The following N4BP2L1 variants were observed in gnomAD, a reference collection of about 807,000 sequenced individuals.
The protein encoded by N4BP2L1 is NEDD4-binding protein 2-like 1.
A neutral mutation model predicts 21.2 loss-of-function variants in N4BP2L1; 12 were observed. The observed-to-expected ratio is 0.57, with a 90% CI of 0.36 to 0.92. The LOEUF (loss-of-function observed/expected upper bound fraction) is 0.92, where lower values mean the gene tolerates loss of function less well. N4BP2L1 is among the 40% of genes least tolerant of loss of function. The pLI is 0.01. For synonymous variants in N4BP2L1, 104 were observed against 112.8 expected, an observed-to-expected ratio of 0.92 and a Z score of 0.49; for missense variants, 259 against 310.6, an observed-to-expected ratio of 0.83 and a Z score of 1.25.
intron 1 of N4BP2L1, among the ~76,000 whole-genome samples, chr13:32,422,663 T>C (rs772265282): frequency 3.3e-5 from 5 of 152,146 alleles, no homozygotes; most frequent in Non-Finnish European, 5.9e-5. Context: ...TGATACAGCC[T>C]CTCCAATGAG....
chr13:32,420,071 T>C (rs1344329007), intron 1 of N4BP2L1, among the ~76,000 whole-genome samples: 2 of 152,164 alleles, frequency 1.3e-5, no homozygotes, highest in South Asian at 4.2e-4. Flanking sequence ...GCCTCAAGTG[T>C]CCCCAAGCCA....
chr13:32,419,891 T>C (rs560531058), intron 1 of N4BP2L1, among the ~76,000 whole-genome samples: 2 of 152,330 alleles, frequency 1.3e-5, no homozygotes, highest in African/African-American at 2.4e-5. Context: ...AACTGGGAGA[T>C]AGAAAACAGA....
chr13:32,421,886 A>T (rs206329), intron 1 of N4BP2L1, among the ~76,000 whole-genome samples: 40,168 of 151,870 alleles, frequency 0.26, 5,756 homozygotes, highest in South Asian at 0.4. Context: ...TCATCCAGAG[A>T]CTGAGTGGCC....
At chr13:32,408,738 G>A (rs998834899) in intron 1 of N4BP2L1, among the ~76,000 whole-genome samples, 2 of 152,144 alleles carry the variant, frequency 1.3e-5, no homozygotes, top group Non-Finnish European at 2.9e-5. Context: ...TTTAAAAATC[G>A]GAGGAAAAAA....
In N4BP2L1 at chr13:32,401,975, T is replaced by C; in HGVS notation, c.*967A>G. Reference sequence around the variant, plus strand: ...ACATTCCAGAGTTGTGAGGACTTGATTGTCTTAATGCCACATAAAACATCA... The same window carrying C: ...ACATTCCAGAGTTGTGAGGACTTGACTGTCTTAATGCCACATAAAACATCA... On this transcript the variant is annotated 3_prime_UTR_variant, in exon 5 of 5. Transcript: ENST00000380130. 1 of 985,104 alleles carries C rather than the reference T, an allele frequency of 1.0e-6. No individual in the cohort carries two copies. The highest frequency in any genetic ancestry group is 1.2e-6 in the Non-Finnish European group (1 of 829,538). 61.0% of individuals were successfully genotyped at this position (985,104 alleles called of 1,614,324 possible).
At chr13:32,407,815 T>C (rs369700045) in intron 1 of N4BP2L1, 43 bp from the exon 2 acceptor site, 5 of 1,523,948 alleles carry the variant, frequency 3.3e-6, no homozygotes, top group Non-Finnish European at 4.4e-6. Flanking sequence ...TTTAAATATA[T>C]GTATAGTCTC....
chr13:32,416,801 CTCT>C (rs1305471799), intron 1 of N4BP2L1: 1 of 149,422 alleles, frequency 6.7e-6, no homozygotes, highest in African/African-American at 2.6e-5. Flanking sequence ...ATTATGCGAA[CTCT>C]TTTTTTTTTG....
chr13:32,402,961 C>T lies in N4BP2L1; in HGVS notation c.713G>A (p.Gly238Asp), dbSNP rs138167620. Residue 238 changes from glycine (G) to aspartate (D), a missense_variant, in exon 5 of 5, where the codon GGT becomes GAT. Physicochemically the swap from Gly to Asp is moderately conservative, Grantham distance 94. Around this residue, in one of 3 missense-constraint regions of N4BP2L1, gnomAD observed 108 missense variants for 107.8 expected, o/e 1.00. Coordinates refer to ENST00000380130, the MANE Select transcript of N4BP2L1 (RefSeq NM_052818.3). ...TNESSYHRRG[G>D]CHHGY is the part of the protein sequence containing the mutation. ...AGGCCTCTAATATCCATGGTGACAACCGCCCCTTCTGTGATAGGAGCTCTC... is the reference window on the plus strand; with the variant it reads ...AGGCCTCTAATATCCATGGTGACAATCGCCCCTTCTGTGATAGGAGCTCTC... 3.1e-6 allele frequency: 5 copies of T among 1,608,500 alleles called. No individual in the cohort carries two copies. The highest frequency in any genetic ancestry group is 4.3e-6 in the Non-Finnish European group (5 of 1,176,134).
intron 1 of N4BP2L1, among the ~76,000 whole-genome samples, chr13:32,410,437 TGGAA>T (rs2137807133): frequency 6.6e-6 from 1 of 152,282 alleles, no homozygotes; most frequent in African/African-American, 2.4e-5. Flanking sequence ...GACTTCTTGA[TGGAA>T]GGAAGAGCAA....
chr13:32,428,218 C>T, upstream of N4BP2L1: 1 of 887,594 alleles, frequency 1.1e-6, no homozygotes, highest in East Asian at 3.1e-5. Flanking sequence ...CCCCTCCTTT[C>T]CACCCGCCGG....
rs2073250599 is a variant in N4BP2L1, at chr13:32,403,124, T to C, written c.550A>G (p.Ser184Gly). The C allele has an allele frequency of 6.2e-7, 1 of 1,614,014 alleles. No homozygotes were observed. The highest frequency in any genetic ancestry group is 1.3e-5 in the African/African-American group (1 of 74,906). ...CTTGGCTTTTCTGCATGAAGCACAC[T>C]GTGAAAAGTAACATCGTGTTCATAC... ...ERYEHDVTFH[S>G]VLHAEKPSRM... The change falls in exon 5 of 5, where the codon AGT (serine) becomes GGT (glycine). Residue 184 changes from serine to glycine, a missense_variant. Around this residue, in one of 3 missense-constraint regions of N4BP2L1, gnomAD observed 108 missense variants for 107.8 expected, o/e 1.00. Transcript: ENST00000380130.
chr13:32,429,101 A>C (rs556783418), upstream of N4BP2L1, among the ~76,000 whole-genome samples: 1 of 152,400 alleles, frequency 6.6e-6, no homozygotes, highest in East Asian at 1.9e-4. Flanking sequence ...TAAAGTAATA[A>C]ATTCTATTTC....
chr13:32,407,907 G>T, intron 1 of N4BP2L1, 135 bp from the exon 2 acceptor site: 1 of 989,856 alleles, frequency 1.0e-6, no homozygotes, highest in Non-Finnish European at 1.5e-6. Context: ...TTAAAATGCA[G>T]TTTCAAAAGA....
At chr13:32,425,383 G>C (rs1201015039) in intron 1 of N4BP2L1, 1 of 152,232 alleles carries the variant, frequency 6.6e-6, no homozygotes, top group Non-Finnish European at 1.5e-5. Flanking sequence ...AGGCTGCTCT[G>C]CTCCCAGAAC....
chr13:32,418,195 T>TG, intron 1 of N4BP2L1, among the ~76,000 whole-genome samples: 1 of 152,302 alleles, frequency 6.6e-6, no homozygotes, highest in Non-Finnish European at 1.5e-5. Context: ...AGATGGGTCC[T>TG]GGGCCCCCCT....
chr13:32,411,647 TA>T (rs1243525897), intron 1 of N4BP2L1: 1 of 985,122 alleles, frequency 1.0e-6, no homozygotes, highest in African/African-American at 1.7e-5. Context: ...AATAGAAAGA[TA>T]ATTAATTCCA....
chr13:32,424,089 G>T (rs900907751), intron 1 of N4BP2L1, among the ~76,000 whole-genome samples: 23 of 152,214 alleles, frequency 1.5e-4, no homozygotes, highest in African/African-American at 5.3e-4. Context: ...TGCTGAGAAT[G>T]AAAGGGTCTT....
At chr13:32,416,876 G>T (rs1452640253) in intron 1 of N4BP2L1, among the ~76,000 whole-genome samples, 1 of 152,106 alleles carries the variant, frequency 6.6e-6, no homozygotes, top group African/African-American at 2.4e-5. Context: ...AAGTGCAATG[G>T]CATGATCTCG....
intron 1 of N4BP2L1, among the ~76,000 whole-genome samples, chr13:32,420,942 C>T (rs570782562): frequency 9.2e-5 from 14 of 152,036 alleles, no homozygotes; most frequent in African/African-American, 2.7e-4. Flanking sequence ...TGATTCCACC[C>T]GCCTCAGCCT....
Sources: gnomAD v4.1 joint callset for allele counts (sites outside exome capture counted in the v4.1 genomes callset) on GRCh38, gnomAD v4.1.1 for gene constraint, gnomAD v4.1.1 regional missense constraint, MANE v1.5 for transcripts, NCBI Gene and HGNC (gene_info 2026-07-23, HGNC 2026-07-21) for gene names.